NPC1: variants seen among roughly 807,000 people sequenced by gnomAD.
NPC1 encodes Niemann-Pick C1 protein.
Under a neutral mutation model 140.4 loss-of-function variants are expected in NPC1, and 85 were observed. The ratio of observed to expected loss-of-function variants is 0.61; its 90% CI spans 0.51 to 0.72. The LOEUF (loss-of-function observed/expected upper bound fraction) is 0.72, where lower values mean the gene tolerates loss of function less well. NPC1 is among the 30% of genes least tolerant of loss of function. The pLI is 0.00. For synonymous variants in NPC1, 656 were observed against 624.8 expected, an observed-to-expected ratio of 1.05 and a Z score of -0.74; for missense variants, 1,504 against 1,623.8, an observed-to-expected ratio of 0.93 and a Z score of 1.27.
intron 4 of NPC1, among the ~76,000 whole-genome samples, chr18:23,564,953 G>A (rs2059101314): frequency 6.6e-6 from 1 of 152,060 alleles, no homozygotes; most frequent in Admixed American, 6.6e-5. Flanking sequence ...TCATTGAATG[G>A]CCCTGGCACC....
In NPC1 at chr18:23,533,455, A is replaced by G. The variant is rs1464891364; in HGVS notation, c.3654T>C (p.Ser1218=). The change falls in exon 24 of 25, where the codon TCT becomes TCC. Residue 1218 remains serine, a synonymous_variant. Transcript: ENST00000269228. ...GGIVVLAFAK[S]QIFQIFYFRM... The stretch of plus-strand genomic sequence containing the variant: ...TGAAGTAGAATATCTGGAAAATTTG[A>G]GATTTGGCAAAAGCCAACACCACAA... 2 of 1,614,230 alleles carry G rather than the reference A, an allele frequency of 1.2e-6. No homozygotes were observed.
At chr18:23,511,999 C>T (rs1364952820) in intron 3 of NPC1, among the ~76,000 whole-genome samples, 1 of 151,200 alleles carries the variant, frequency 6.6e-6, no homozygotes, top group African/African-American at 2.4e-5. Context: ...CATTTGCCAA[C>T]CTGAGAGGTA....
chr18:23,531,489 A>G lies in NPC1; in HGVS notation c.*713T>C. Reference sequence around the variant, plus strand: ...TTTGTCTCTCAAAGCAGATAGGGTAACCCCAAAACTTAGGAAAACAATGTA... The same window carrying G: ...TTTGTCTCTCAAAGCAGATAGGGTAGCCCCAAAACTTAGGAAAACAATGTA... On this transcript the variant is annotated 3_prime_UTR_variant, in exon 25 of 25. Coordinates refer to ENST00000269228, the MANE Select transcript of NPC1 (RefSeq NM_000271.5). 1 of 1,455,482 alleles carries G rather than the reference A, an allele frequency of 6.9e-7. No homozygotes were observed. Among genetic ancestry groups the G allele is most frequent in the African/African-American group, 1.4e-5 (1 of 70,004 alleles). 90.2% of individuals were successfully genotyped at this position (1,455,482 alleles called of 1,614,324 possible). A position where few individuals can be genotyped will look rare whatever the true frequency, so the allele number is the denominator to read the frequency against.
chr18:23,537,465 T>C (rs985267870), intron 20 of NPC1, among the ~76,000 whole-genome samples: 1 of 152,216 alleles, frequency 6.6e-6, no homozygotes, highest in African/African-American at 2.4e-5. Flanking sequence ...GGTACAGGGT[T>C]TACTCAGTCC....
At chr18:23,577,538 C>T (rs2059302144) in intron 1 of NPC1, among the ~76,000 whole-genome samples, 1 of 152,178 alleles carries the variant, frequency 6.6e-6, no homozygotes, top group Non-Finnish European at 1.5e-5. Context: ...TCCACGTCCC[C>T]ACCAGACTCA....
At chr18:23,507,876 T>C (rs2057753639) in intron 3 of NPC1, 1 of 887,862 alleles carries the variant, frequency 1.1e-6, no homozygotes. Flanking sequence ...TATTTTCTGG[T>C]CACTTTTTAA....
chr18:23,507,003 G>A, intron 3 of NPC1: 3 of 1,609,730 alleles, frequency 1.9e-6, no homozygotes, highest in Non-Finnish European at 2.5e-6. Context: ...AGTGCATTAA[G>A]TTTTCCTTAG....
At chr18:23,582,155 G>T (rs1397106555) in intron 1 of NPC1, 1 of 152,086 alleles carries the variant, frequency 6.6e-6, no homozygotes, top group African/African-American at 2.4e-5. Context: ...TAATTCTTTT[G>T]ATCTTATCCT....
chr18:23,508,117 T>C (rs1652381), intron 3 of NPC1: 1,356,386 of 1,356,480 alleles, frequency 1, 678,146 homozygotes, highest in Middle Eastern at 1. Context: ...AGCGGGGCAT[T>C]GGGGTCGCAG....
chr18:23,559,941 AGAGT>A (rs1432669702), intron 6 of NPC1, among the ~76,000 whole-genome samples: 2 of 151,932 alleles, frequency 1.3e-5, no homozygotes, highest in African/African-American at 2.4e-5. Flanking sequence ...CTGGGCGACA[AGAGT>A]GAGACTCAGT....
intron 4 of NPC1, among the ~76,000 whole-genome samples, chr18:23,567,775 C>T (rs1306825685): frequency 1.3e-5 from 2 of 152,106 alleles, no homozygotes; most frequent in Admixed American, 6.5e-5. Flanking sequence ...AGTTTTGAAA[C>T]GATTGTACCA....
chr18:23,507,309 G>A (rs893080133), intron 3 of NPC1, among the ~76,000 whole-genome samples: 11 of 152,104 alleles, frequency 7.2e-5, no homozygotes, highest in African/African-American at 2.7e-4. Flanking sequence ...GCCCAGGCTG[G>A]AGTGCAGTGA....
intron 11 of NPC1, among the ~76,000 whole-genome samples, chr18:23,545,535 T>G (rs905614156): frequency 1.2e-4 from 18 of 152,224 alleles, no homozygotes; most frequent in Non-Finnish European, 4.4e-5. Flanking sequence ...TGAGCCACTG[T>G]GCCCGGCTCA....
At chr18:23,516,148 TC>T in intron 3 of NPC1, 1 of 1,351,318 alleles carries the variant, frequency 7.4e-7, no homozygotes. Flanking sequence ...ACCCGTCAGC[TC>T]CTGGAGCCAT....
chr18:23,573,509 A>AT lies in NPC1; in HGVS notation c.122dup (p.Asn41LysfsTer17). 1 of 1,614,152 alleles carries AT rather than the reference A, an allele frequency of 6.2e-7. No individual in the cohort carries two copies. The highest frequency in any genetic ancestry group is 8.5e-7 in the Non-Finnish European group (1 of 1,180,014). On this transcript the variant is annotated frameshift_variant, in exon 2 of 25. Coordinates refer to ENST00000269228, the MANE Select transcript of NPC1 (RefSeq NM_000271.5). LOFTEE classifies it high-confidence loss of function. ...GTTTTGGTGGGCCAGAATATTCGCA[A>AT]TTGTACCTCTTGTCCCCATATGCAA...
chr18:23,583,510 T>C (rs535339813), intron 1 of NPC1, among the ~76,000 whole-genome samples: 2 of 152,186 alleles, frequency 1.3e-5, no homozygotes, highest in Non-Finnish European at 2.9e-5. Flanking sequence ...AGGATTTTGC[T>C]AGCAAGCAGT....
At chr18:23,565,496 C>G (rs2059111124) in intron 4 of NPC1, among the ~76,000 whole-genome samples, 1 of 152,152 alleles carries the variant, frequency 6.6e-6, no homozygotes. Context: ...GCTGGCATTA[C>G]AAGCGAGCGC....
chr18:23,539,742 G>C (rs1165976351), intron 18 of NPC1, 69 bp downstream of exon 18: 1 of 1,505,192 alleles, frequency 6.6e-7, no homozygotes, highest in African/African-American at 1.4e-5. Flanking sequence ...GACATTTCAG[G>C]CCTGAGCTGA....
intron 1 of NPC1, chr18:23,524,017 T>C (rs772385916): frequency 8.5e-5 from 101 of 1,192,014 alleles, no homozygotes; most frequent in Non-Finnish European, 1.1e-4. Context: ...TTGACTACAA[T>C]TGAATAAACA....
Sources: allele counts gnomAD v4.1 joint callset (sites outside exome capture counted in the v4.1 genomes callset), GRCh38; gene constraint gnomAD v4.1.1; transcripts MANE v1.5; gene names NCBI Gene and HGNC (gene_info 2026-07-23, HGNC 2026-07-21).